Variants in GRID2 observed in about 807,000 individuals in gnomAD.
The protein encoded by GRID2 is glutamate ionotropic receptor delta type subunit 2.
A neutral mutation model predicts 114.8 loss-of-function variants in GRID2; 33 were observed. The ratio of observed to expected loss-of-function variants is 0.29; its 90% confidence interval spans 0.22 to 0.38. GRID2 has a LOEUF of 0.38. Among genes scored for constraint, GRID2 ranks in the 10% least tolerant of loss-of-function variants. GRID2 has a pLI of 1.00. For missense variants in GRID2, 1,184 were observed against 1,257.7 expected, an observed-to-expected ratio of 0.94 and a Z score of 0.89; for synonymous variants, 505 against 449.9, an observed-to-expected ratio of 1.12 and a Z score of -1.55.
At chr4:93,646,351 G>T (rs1722109801) in intron 14 of GRID2, among the ~76,000 whole-genome samples, 1 of 152,036 alleles carries the variant, frequency 6.6e-6, no homozygotes. Context: ...CAATGCATAA[G>T]AAGCAACAGA....
In GRID2 at chr4:92,690,018, G is replaced by T. The variant is rs558564723; in HGVS notation, c.244+99732G>T. ...AAACTTTCTCTACATCAGCCATAAG[G>T]CCCTTTTACTTTCTTACTATTCATA... On this transcript the variant is annotated intron_variant, in intron 2 of 15. Transcript: ENST00000282020. Among the ~76,000 whole-genome samples, 4 of 152,030 alleles carry T rather than the reference G, an allele frequency of 2.6e-5. No homozygotes were observed. The East Asian group carries it at 5.8e-4, about 22-fold the overall frequency.
chr4:93,316,778 A>G (rs999201131), intron 8 of GRID2, among the ~76,000 whole-genome samples: 13 of 152,210 alleles, frequency 8.5e-5, no homozygotes, highest in African/African-American at 1.4e-4. Context: ...TGTTAAATAC[A>G]TATATGTATT....
intron 1 of GRID2, among the ~76,000 whole-genome samples, chr4:92,437,497 G>A (rs1732792206): frequency 6.6e-6 from 1 of 152,102 alleles, no homozygotes; most frequent in Non-Finnish European, 1.5e-5. Flanking sequence ...TCAAACTCCT[G>A]GCCTCAAGTG....
intron 14 of GRID2, among the ~76,000 whole-genome samples, chr4:93,635,476 G>A (rs894318678): frequency 2.0e-5 from 3 of 151,190 alleles, no homozygotes; most frequent in African/African-American, 7.3e-5. Flanking sequence ...AAAGGAAATT[G>A]TTTTCTTTTC....
chr4:92,910,215 TA>T (rs550272827), intron 2 of GRID2, among the ~76,000 whole-genome samples: 123 of 141,856 alleles, frequency 8.7e-4, no homozygotes, highest in Middle Eastern at 7.0e-3. Flanking sequence ...AAAATAAAAA[TA>T]AAAAAAAAAA....
At chr4:92,498,509 G>A (rs951381217) in intron 1 of GRID2, among the ~76,000 whole-genome samples, 3 of 151,510 alleles carry the variant, frequency 2.0e-5, no homozygotes, top group Non-Finnish European at 4.4e-5. Context: ...AAAGGATAAG[G>A]TTTTTAATTT....
At chr4:92,849,128 C>T (rs1743563673) in intron 2 of GRID2, among the ~76,000 whole-genome samples, 1 of 151,860 alleles carries the variant, frequency 6.6e-6, no homozygotes, top group Admixed American at 6.6e-5. Flanking sequence ...ATGCCATTTA[C>T]CCCAGCACTG....
chr4:93,322,042 T>C (rs1344443504), intron 8 of GRID2, among the ~76,000 whole-genome samples: 6 of 151,792 alleles, frequency 4.0e-5, no homozygotes, highest in Admixed American at 3.3e-4. Context: ...TTATTTCTTT[T>C]TTTTTCTTTT....
chr4:92,519,602 T>C (rs1208792165), intron 1 of GRID2, among the ~76,000 whole-genome samples: 1 of 127,374 alleles, frequency 7.9e-6, no homozygotes, highest in Non-Finnish European at 1.6e-5. Context: ...TATATGAGAT[T>C]ATATATATAT....
intron 3 of GRID2, among the ~76,000 whole-genome samples, chr4:93,093,523 A>T (rs1323629667): frequency 6.6e-6 from 1 of 152,052 alleles, no homozygotes; most frequent in Non-Finnish European, 1.5e-5. Context: ...TGAAGTAGGA[A>T]ATTAGAAGCA....
intron 13 of GRID2, among the ~76,000 whole-genome samples, chr4:93,533,213 A>T (rs13137117): frequency 0.16 from 24,392 of 151,072 alleles, 2,675 homozygotes; most frequent in Middle Eastern, 0.28. Context: ...TGTCTAATTC[A>T]TCAGTAAATC....
At chr4:93,771,273 T>C (rs1213997077) in intron 15 of GRID2, among the ~76,000 whole-genome samples, 1 of 152,144 alleles carries the variant, frequency 6.6e-6, no homozygotes, top group Non-Finnish European at 1.5e-5. Context: ...AATCTGAGAT[T>C]TTACTTATAT....
At chr4:92,314,210 C>T (rs906570619) in intron 1 of GRID2, among the ~76,000 whole-genome samples, 5 of 151,860 alleles carry the variant, frequency 3.3e-5, no homozygotes, top group African/African-American at 1.2e-4. Context: ...TCCCAGATTG[C>T]CATTCAAATT....
At position 92,439,576 on chromosome 4, in the gene GRID2, A is replaced by AGG. The variant is rs1470168214; in HGVS notation, c.88+134834_88+134835dup. ...CCTAGAGTGGGAGAGATTAAGCTGAAGGGAGGTCTTGTGGTAAGGGGTGAT... is the reference window on the plus strand; with the variant it reads ...CCTAGAGTGGGAGAGATTAAGCTGAAGGGGGAGGTCTTGTGGTAAGGGGTGAT... On this transcript the variant is annotated intron_variant, in intron 1 of 15. Transcript: ENST00000282020. Among the ~76,000 whole-genome samples, 157 of 148,708 alleles carry AGG rather than the reference A, an allele frequency of 1.1e-3. 3 individuals carry two copies. The highest frequency in any genetic ancestry group is 3.0e-3 in the African/African-American group (125 of 41,142).
At chr4:92,894,424 G>A (rs1356092097) in intron 2 of GRID2, among the ~76,000 whole-genome samples, 1 of 152,018 alleles carries the variant, frequency 6.6e-6, no homozygotes, top group Non-Finnish European at 1.5e-5. Flanking sequence ...AACCAAGTAG[G>A]TCTACATTTT....
chr4:93,534,716 G>A (rs954513669), intron 13 of GRID2, among the ~76,000 whole-genome samples: 2 of 151,972 alleles, frequency 1.3e-5, no homozygotes, highest in African/African-American at 4.8e-5. Flanking sequence ...AAATTATTTG[G>A]ACAAAATAGT....
intron 2 of GRID2, among the ~76,000 whole-genome samples, chr4:93,037,621 G>C (rs1486686214): frequency 6.6e-6 from 1 of 152,176 alleles, no homozygotes; most frequent in Non-Finnish European, 1.5e-5. Flanking sequence ...TTTGTATAAA[G>C]TGTAATGAAG....
In GRID2 at chr4:92,986,598, A is replaced by G. The variant is rs943592335; in HGVS notation, c.245-98397A>G. ...TAGCAATGTTAACTTTCTGGTTTCC[A>G]TGATTGTGCTAAGGTTGTGTAATTT... On this transcript the variant is annotated intron_variant, in intron 2 of 15. Coordinates refer to ENST00000282020, the MANE Select transcript of GRID2 (RefSeq NM_001510.4). Among the ~76,000 whole-genome samples, 3 of 152,142 alleles carry G rather than the reference A, an allele frequency of 2.0e-5. 1 individual carries two copies. In the South Asian group the frequency reaches 6.2e-4, roughly 32 times the overall value.
At chr4:93,039,523 C>G (rs1578820438) in intron 2 of GRID2, among the ~76,000 whole-genome samples, 1 of 152,064 alleles carries the variant, frequency 6.6e-6, no homozygotes, top group East Asian at 1.9e-4. Flanking sequence ...TATTACATAT[C>G]TGTCCTCATT....
Sources: allele counts gnomAD v4.1 joint callset (sites outside exome capture counted in the v4.1 genomes callset), GRCh38; gene constraint gnomAD v4.1.1; transcripts MANE v1.5; gene names NCBI Gene and HGNC (gene_info 2026-07-23, HGNC 2026-07-21).